ITGA11: variants seen among roughly 807,000 people sequenced by gnomAD.
ITGA11 encodes integrin alpha-11.
A neutral mutation model predicts 141.9 loss-of-function variants in ITGA11; 97 were observed. The observed-to-expected ratio is 0.68, with a 90% CI of 0.58 to 0.81. ITGA11 has a LOEUF of 0.81. Among genes scored for constraint, ITGA11 ranks in the 30% least tolerant of loss-of-function variants. The pLI, the probability that ITGA11 is intolerant of heterozygous loss-of-function variation, is 0.00. For missense variants in ITGA11, 1,387 were observed against 1,559.2 expected, an observed-to-expected ratio of 0.89 and a Z score of 1.86; for synonymous variants, 658 against 624.6, an observed-to-expected ratio of 1.05 and a Z score of -0.80.
Position 68,333,804 on chromosome 15 carries a change from C to G in ITGA11, c.1426-1326G>C, listed in dbSNP as rs1039117786. Among the ~76,000 whole-genome samples the G allele has an allele frequency of 6.6e-6, 1 of 152,206 alleles. No homozygotes were observed. Among genetic ancestry groups the G allele is most frequent in the Non-Finnish European group, 1.5e-5 (1 of 68,028 alleles). On this transcript the variant is annotated intron_variant, in intron 12 of 29. Coordinates refer to ENST00000315757, the MANE Select transcript of ITGA11 (RefSeq NM_001004439.2). The surrounding 1 kb of genome is among the most constrained non-coding windows in gnomAD (Gnocchi z 4.2). ...TAGCAGGACCGTGCTGGACCAGCCT[C>G]CCTCCCCAGCCTCTGTCCCCACAAG...
chr15:68,317,710 G>C (rs2140282565), intron 20 of ITGA11, among the ~76,000 whole-genome samples: 1 of 152,336 alleles, frequency 6.6e-6, no homozygotes, highest in East Asian at 1.9e-4. Flanking sequence ...ATGACGCGAT[G>C]CACATAAATG....
rs367701040 is a variant in ITGA11 at position 68,326,627 on chromosome 15, G to C, written c.2211+27C>G. On this transcript the variant is annotated intron_variant, in intron 17 of 29. Coordinates refer to ENST00000315757, the MANE Select transcript of ITGA11 (RefSeq NM_001004439.2). This position sits in a 1 kb window ranked among gnomAD's most constrained non-coding sequence, Gnocchi z 6.8. ...GATGCTCCTTCCTATAGGAGCTTGG[G>C]CTCTGCTGGTGGGGCTGCCAGCTTA... is the stretch of plus-strand genomic sequence containing the variant. 1.3e-6 allele frequency: 2 copies of C among 1,572,166 alleles called. No individual in the cohort carries two copies. The highest frequency in any genetic ancestry group is 1.8e-5 in the Admixed American group (1 of 54,792).
At chr15:68,380,251 C>T (rs1895826258) in intron 2 of ITGA11, among the ~76,000 whole-genome samples, 2 of 152,284 alleles carry the variant, frequency 1.3e-5, no homozygotes, top group Middle Eastern at 6.8e-3. Context: ...AGGACAGATA[C>T]TCTTTTCTTG....
intron 1 of ITGA11, among the ~76,000 whole-genome samples, chr15:68,420,655 C>T (rs1002436111): frequency 1.1e-4 from 17 of 148,278 alleles, no homozygotes; most frequent in Non-Finnish European, 2.1e-4. Context: ...TTTCTAGCAA[C>T]TGTGGCAGGC....
intron 2 of ITGA11, among the ~76,000 whole-genome samples, chr15:68,380,556 C>T (rs1895835232): frequency 6.6e-6 from 1 of 152,146 alleles, no homozygotes; most frequent in Admixed American, 6.5e-5. Flanking sequence ...CCAGGTGTGG[C>T]AGGGCACAGA....
chr15:68,350,388 C>T (rs1463744031), intron 9 of ITGA11, among the ~76,000 whole-genome samples: 1 of 152,034 alleles, frequency 6.6e-6, no homozygotes, highest in Admixed American at 6.5e-5. Flanking sequence ...CGAGGTTTTG[C>T]CTTGCTGACC....
chr15:68,383,583 G>A (rs1043019664), intron 2 of ITGA11, among the ~76,000 whole-genome samples: 7 of 152,178 alleles, frequency 4.6e-5, no homozygotes, highest in African/African-American at 1.4e-4. Context: ...AAGCCTCAAT[G>A]GTTGACTAGA....
chr15:68,352,655 T>A (rs911920240), intron 7 of ITGA11, among the ~76,000 whole-genome samples: 2 of 152,260 alleles, frequency 1.3e-5, no homozygotes, highest in African/African-American at 4.8e-5. Flanking sequence ...TCACAAGGAC[T>A]ACTTTGATTC....
chr15:68,367,198 C>T (rs1405686901), intron 3 of ITGA11, among the ~76,000 whole-genome samples: 3 of 152,102 alleles, frequency 2.0e-5, no homozygotes, highest in Admixed American at 2.0e-4. Context: ...CTTTATGTCT[C>T]CTCCTCCCTC....
intron 10 of ITGA11, among the ~76,000 whole-genome samples, chr15:68,342,602 G>T (rs1033051781): frequency 7.2e-5 from 11 of 152,358 alleles, no homozygotes; most frequent in African/African-American, 2.4e-4. Context: ...TGCTCCCAGG[G>T]TGTGTGACCA....
At position 68,298,085 on chromosome 15, in the gene ITGA11, C is replaced by A. The variant is rs1219896347; in HGVS notation, c.*4974G>T. ...CAGACAGGTTTTAAAACATTTTTTT[C>A]TTTGTTTCAAGTAATGTCTGCTGTA... is the stretch of plus-strand genomic sequence containing the variant. On this transcript the variant is annotated 3_prime_UTR_variant, in exon 30 of 30. Transcript: ENST00000315757. The A allele has an allele frequency of 2.0e-5, 3 of 152,068 alleles. No homozygotes were observed. The highest frequency in any genetic ancestry group is 1.3e-4 in the Admixed American group (2 of 15,280). 9.4% of individuals were successfully genotyped at this position (152,068 alleles called of 1,614,324 possible).
intron 12 of ITGA11, among the ~76,000 whole-genome samples, chr15:68,334,544 TA>T (rs1046297789): frequency 6.8e-6 from 1 of 146,442 alleles, no homozygotes; most frequent in Non-Finnish European, 1.5e-5. Flanking sequence ...AGGAGAAGGA[TA>T]AAAAATTTAG....
intron 2 of ITGA11, among the ~76,000 whole-genome samples, chr15:68,402,682 G>A (rs73433948): frequency 0.011 from 1,701 of 152,256 alleles, 28 homozygotes; most frequent in African/African-American, 0.039. Flanking sequence ...AGGAGGGCTC[G>A]TTCATTCCCA....
intron 13 of ITGA11, 41 bp downstream of exon 13, chr15:68,332,296 TG>T (rs751166177): frequency 1.9e-6 from 3 of 1,572,606 alleles, no homozygotes; most frequent in Non-Finnish European, 8.6e-7. Context: ...AAGCAGAGGT[TG>T]GGGGCACCTG....
intron 1 of ITGA11, among the ~76,000 whole-genome samples, chr15:68,425,697 G>A (rs950384924): frequency 2.6e-5 from 4 of 152,174 alleles, no homozygotes; most frequent in South Asian, 2.1e-4. Flanking sequence ...CTAGAGCTAC[G>A]CCCACTTGCC....
intron 4 of ITGA11, among the ~76,000 whole-genome samples, chr15:68,362,943 T>C (rs1895296598): frequency 1.3e-5 from 2 of 150,658 alleles, no homozygotes; most frequent in Non-Finnish European, 3.0e-5. Flanking sequence ...GATGAATGGA[T>C]GATGGATGAA....
At chr15:68,419,277 G>A (rs1018295759) in intron 1 of ITGA11, among the ~76,000 whole-genome samples, 2 of 152,164 alleles carry the variant, frequency 1.3e-5, no homozygotes, top group African/African-American at 4.8e-5. Flanking sequence ...GATCTCAAAT[G>A]TCTACTGCTA....
Position 68,315,736 on chromosome 15 carries a change from A to C in ITGA11, c.2716-9T>G, listed in dbSNP as rs1311637135. 6.2e-7 allele frequency: 1 copy of C among 1,604,970 alleles called. No individual in the cohort carries two copies. Among genetic ancestry groups the C allele is most frequent in the Non-Finnish European group, 8.5e-7 (1 of 1,175,230 alleles). ...TCAAGACGGAAAGCCACCTGCAAGG[A>C]AGCAGTCGCATGTCTGGGCATTGCT... On this transcript the variant is annotated splice_polypyrimidine_tract_variant and intron_variant, in intron 21 of 29. Coordinates refer to ENST00000315757, the MANE Select transcript of ITGA11 (RefSeq NM_001004439.2).
intron 10 of ITGA11, among the ~76,000 whole-genome samples, chr15:68,347,738 A>G (rs1267839097): frequency 1.3e-5 from 2 of 152,156 alleles, no homozygotes; most frequent in African/African-American, 4.8e-5. Context: ...TAACCTTCTC[A>G]TGCCTTGAAT....
Sources: gnomAD v4.1 joint callset for allele counts (sites outside exome capture counted in the v4.1 genomes callset) on GRCh38, gnomAD v4.1.1 for gene constraint, Gnocchi (gnomAD v3.1) non-coding constraint, MANE v1.5 for transcripts, NCBI Gene and HGNC (gene_info 2026-07-23, HGNC 2026-07-21) for gene names.